Variants in CAST observed in about 807,000 individuals in gnomAD.
CAST encodes MIR583 host.
Under a neutral mutation model 119.6 loss-of-function variants are expected in CAST, and 76 were observed. The ratio of observed to expected loss-of-function variants is 0.64; its 90% CI spans 0.53 to 0.77. The LOEUF (loss-of-function observed/expected upper bound fraction) is 0.77, where lower values mean the gene tolerates loss of function less well. Ranked by LOEUF, CAST falls within the 30% of genes least tolerant of loss-of-function variation. The probability of loss-of-function intolerance (pLI) is 0.00; values close to 1 mark genes in which losing one functional copy is unlikely to be tolerated. For missense variants in CAST, 953 were observed against 946.5 expected (o/e 1.01, Z -0.09); for synonymous variants, 319 against 331.6 (o/e 0.96, Z 0.41).
At chr5:96,425,567 A>G in the CAST span, among the ~76,000 whole-genome samples, 11 of 152,194 alleles carry the variant, frequency 7.2e-5, no homozygotes, top group African/African-American at 2.7e-4. Context: ...CATTTATCCC[A>G]AATAAACTTA....
the CAST span, among the ~76,000 whole-genome samples, chr5:96,064,106 A>T: frequency 6.6e-6 from 1 of 152,164 alleles, no homozygotes; most frequent in Non-Finnish European, 1.5e-5. Context: ...GCATTTAGCT[A>T]TTAGAGGATT....
chr5:96,588,718 G>A (rs950130431), intron 1 of CAST, among the ~76,000 whole-genome samples: 4 of 152,200 alleles, frequency 2.6e-5, no homozygotes, highest in African/African-American at 4.8e-5. Flanking sequence ...TTTCTCTAAT[G>A]TAACACACCA....
intron 2 of CAST, among the ~76,000 whole-genome samples, chr5:96,680,354 C>CAA (rs71617135): frequency 3.1e-3 from 90 of 28,856 alleles, no homozygotes; most frequent in South Asian, 6.4e-3. Context: ...GACTCTGTCT[C>CAA]AAAAAAAAAA....
intron 1 of CAST, among the ~76,000 whole-genome samples, chr5:96,652,982 G>A (rs1748113275): frequency 6.6e-6 from 1 of 152,242 alleles, no homozygotes; most frequent in Non-Finnish European, 1.5e-5. Flanking sequence ...CTTGAGCACA[G>A]TGCTTGAAGG....
chr5:96,484,385 A>G, the CAST span, among the ~76,000 whole-genome samples: 7 of 152,178 alleles, frequency 4.6e-5, no homozygotes, highest in African/African-American at 1.2e-4. Flanking sequence ...ATTAAACACT[A>G]TACTTTGCCC....
intron 1 of CAST, among the ~76,000 whole-genome samples, chr5:96,583,284 T>A (rs923383862): frequency 6.6e-6 from 1 of 152,082 alleles, no homozygotes; most frequent in Non-Finnish European, 1.5e-5. Context: ...TTGAATTGAA[T>A]CTTTGGTAAT....
the CAST span, among the ~76,000 whole-genome samples, chr5:96,328,373 TTCTCTCTCCCTCTCTCTCTC>T: frequency 0.028 from 2,590 of 93,850 alleles, 155 homozygotes; most frequent in African/African-American, 0.08. Context: ...CTGTCTTTCC[TTCTCTCTCCCTCTCTCTCTC>T]TCTCTCTCTC....
chr5:96,402,487 CAG>C, the CAST span, among the ~76,000 whole-genome samples: 4 of 152,276 alleles, frequency 2.6e-5, no homozygotes, highest in Admixed American at 2.0e-4. Flanking sequence ...CACTCAGACT[CAG>C]TGCCTGGTGC....
chr5:96,732,517 A>G (rs886354787), intron 9 of CAST, among the ~76,000 whole-genome samples: 8 of 136,228 alleles, frequency 5.9e-5, no homozygotes, highest in Middle Eastern at 3.5e-3. Context: ...ATTAGATCCC[A>G]TTTGTCAATT....
At chr5:96,476,827 T>C in the CAST span, among the ~76,000 whole-genome samples, 1 of 150,890 alleles carries the variant, frequency 6.6e-6, no homozygotes, top group Non-Finnish European at 1.5e-5. Context: ...TCTTAAAACA[T>C]CTCCCTGCAC....
At chr5:96,171,245 C>G in the CAST span, among the ~76,000 whole-genome samples, 1 of 152,110 alleles carries the variant, frequency 6.6e-6, no homozygotes, top group Non-Finnish European at 1.5e-5. Flanking sequence ...GGGCCATTGT[C>G]AAGTTTGTAT....
the CAST span, among the ~76,000 whole-genome samples, chr5:96,193,240 GA>G: frequency 2.6e-5 from 4 of 151,696 alleles, no homozygotes; most frequent in African/African-American, 9.7e-5. Flanking sequence ...TGATGTATTT[GA>G]AAAAAATGCT....
chr5:96,095,556 CAAAAAAAAAAAAA>C, the CAST span, among the ~76,000 whole-genome samples: 10 of 57,542 alleles, frequency 1.7e-4, no homozygotes, highest in East Asian at 5.1e-3. Context: ...GACTCTGTTT[CAAAAAAAAAAAAA>C]AAAAAAAAAA....
At chr5:96,561,786 G>GTATATATGTGTATTATATATCTGT (rs1746367790) in intron 1 of CAST, among the ~76,000 whole-genome samples, 1 of 105,432 alleles carries the variant, frequency 9.5e-6, no homozygotes, top group Non-Finnish European at 1.9e-5. Flanking sequence ...TTATATATAT[G>GTATATATGTGTATTATATATCTGT]TTTTTTTTTG....
chr5:96,439,145 C>T, the CAST span, among the ~76,000 whole-genome samples: 1 of 152,160 alleles, frequency 6.6e-6, no homozygotes, highest in South Asian at 2.1e-4. Flanking sequence ...TATACTTCAA[C>T]TTATCAAGTA....
chr5:96,069,472 A>C, the CAST span, among the ~76,000 whole-genome samples: 7 of 149,396 alleles, frequency 4.7e-5, no homozygotes, highest in Admixed American at 1.3e-4. Flanking sequence ...CTATCTATCC[A>C]TCTATCTTTT....
chr5:96,034,781 C>T, the CAST span, among the ~76,000 whole-genome samples: 3 of 151,126 alleles, frequency 2.0e-5, no homozygotes, highest in Non-Finnish European at 4.4e-5. Flanking sequence ...ACTCCAACCA[C>T]CCCGACCCCT....
chr5:96,602,179 G>A (rs1341019585), intron 1 of CAST, among the ~76,000 whole-genome samples: 1 of 152,212 alleles, frequency 6.6e-6, no homozygotes, highest in Non-Finnish European at 1.5e-5. Flanking sequence ...AGCAAAGGAT[G>A]GTTGAGGACG....
chr5:96,399,306 G>GA, the CAST span, among the ~76,000 whole-genome samples: 2 of 151,984 alleles, frequency 1.3e-5, no homozygotes, highest in African/African-American at 2.4e-5. Context: ...CCCCTCTTAA[G>GA]AAAAAAATGA....
Sources: allele counts gnomAD v4.1 joint callset (sites outside exome capture counted in the v4.1 genomes callset), GRCh38; gene constraint gnomAD v4.1.1; transcripts MANE v1.5; gene names NCBI Gene and HGNC (gene_info 2026-07-23, HGNC 2026-07-21).